The following CNTN4 variants were observed in gnomAD, a reference collection of about 807,000 sequenced individuals.
CNTN4 encodes contactin-4.
Under a neutral mutation model 122.5 loss-of-function variants are expected in CNTN4, and 77 were observed. The observed-to-expected ratio is 0.63, with a 90% confidence interval of 0.52 to 0.76. The LOEUF is 0.76. CNTN4 is among the 30% of genes least tolerant of loss of function. The pLI, the probability that CNTN4 is intolerant of heterozygous loss-of-function variation, is 0.00. For synonymous variants in CNTN4, 512 were observed against 447.0 expected, an observed-to-expected ratio of 1.15 and a Z score of -1.83; for missense variants, 1,256 against 1,259.1, an observed-to-expected ratio of 1.00 and a Z score of 0.04.
At chr3:2,434,992 G>C (rs902042951) in intron 3 of CNTN4, among the ~76,000 whole-genome samples, 2 of 152,038 alleles carry the variant, frequency 1.3e-5, no homozygotes, top group Non-Finnish European at 2.9e-5. Flanking sequence ...CCACAAGAAG[G>C]GCTTTTTCAA....
intron 2 of CNTN4, among the ~76,000 whole-genome samples, chr3:2,204,787 G>A (rs1402125950): frequency 1.3e-5 from 2 of 152,018 alleles, no homozygotes; most frequent in Non-Finnish European, 2.9e-5. Context: ...AGGAATATCA[G>A]CATGTCAGCT....
chr3:2,493,282 C>G (rs1348784886), intron 3 of CNTN4, among the ~76,000 whole-genome samples: 1 of 151,990 alleles, frequency 6.6e-6, no homozygotes, highest in African/African-American at 2.4e-5. Flanking sequence ...TACCCTAATA[C>G]TCTTGCAGAA....
chr3:2,226,557 G>C (rs753111497), intron 2 of CNTN4, among the ~76,000 whole-genome samples: 5 of 152,108 alleles, frequency 3.3e-5, no homozygotes, highest in African/African-American at 4.8e-5. Flanking sequence ...CTATTGCCCT[G>C]TAATTTCATT....
chr3:2,516,711 G>A (rs2077049124), intron 3 of CNTN4, among the ~76,000 whole-genome samples: 1 of 152,042 alleles, frequency 6.6e-6, no homozygotes, highest in African/African-American at 2.4e-5. Flanking sequence ...ATTTAAAATT[G>A]AGAGGAACAC....
intron 8 of CNTN4, among the ~76,000 whole-genome samples, chr3:2,874,040 T>G (rs2093815951): frequency 6.6e-6 from 1 of 152,194 alleles, no homozygotes; most frequent in South Asian, 2.1e-4. Flanking sequence ...TCTAAATGAC[T>G]AAAGGATGTG....
chr3:2,941,875 CCTT>C (rs776371072), intron 13 of CNTN4, among the ~76,000 whole-genome samples: 1 of 152,170 alleles, frequency 6.6e-6, no homozygotes, highest in Non-Finnish European at 1.5e-5. Flanking sequence ...ATCTTTAACT[CCTT>C]CTTCAACTGC....
chr3:2,444,997 T>C (rs957085477), intron 3 of CNTN4, among the ~76,000 whole-genome samples: 1 of 149,616 alleles, frequency 6.7e-6, no homozygotes, highest in African/African-American at 2.5e-5. Context: ...CTTCTTACTA[T>C]GTAAAAAAAA....
chr3:2,114,941 A>G (rs1388719073), intron 2 of CNTN4, among the ~76,000 whole-genome samples: 2 of 152,216 alleles, frequency 1.3e-5, no homozygotes, highest in Non-Finnish European at 2.9e-5. Flanking sequence ...CAACATTTCA[A>G]GTAGTAGCCA....
chr3:3,051,897 G>A (rs1701310899), intron 23 of CNTN4, among the ~76,000 whole-genome samples: 1 of 152,186 alleles, frequency 6.6e-6, no homozygotes, highest in South Asian at 2.1e-4. Flanking sequence ...TCTTAGGGAA[G>A]GATGAGCTAA....
chr3:2,291,052 T>C (rs952871696), intron 2 of CNTN4, among the ~76,000 whole-genome samples: 1 of 152,342 alleles, frequency 6.6e-6, no homozygotes, highest in South Asian at 2.1e-4. Context: ...TCCTGACTTA[T>C]ACTGTAGCTG....
At chr3:2,610,520 G>A (rs17564805) in intron 4 of CNTN4, among the ~76,000 whole-genome samples, 22,464 of 152,076 alleles carry the variant, frequency 0.15, 2,162 homozygotes, top group Non-Finnish European at 0.22. Flanking sequence ...CCACTGAGTC[G>A]CATTTCAGCC....
chr3:2,757,473 G>A (rs911882646), intron 6 of CNTN4, among the ~76,000 whole-genome samples: 2 of 152,102 alleles, frequency 1.3e-5, no homozygotes, highest in Non-Finnish European at 2.9e-5. Flanking sequence ...CTATTATCAC[G>A]TTTAGAGTGT....
rs149141674 is a variant in CNTN4 at position 2,716,377 on chromosome 3, T to C, written c.56-19838T>C. ...TTATGGGATTTATCTTACAAGATTG[T>C]TTTAAGGATTAAGTGAGATACTCTA... On this transcript the variant is annotated intron_variant, in intron 4 of 24. Coordinates refer to ENST00000418658, the MANE Select transcript of CNTN4 (RefSeq NM_175607.3). Among the ~76,000 whole-genome samples, 482 of 151,686 alleles carry C rather than the reference T, an allele frequency of 3.2e-3. 7 individuals are homozygous for C. Among genetic ancestry groups the C allele is most frequent in the African/African-American group, 0.011 (461 of 41,426 alleles).
rs367747155 is a variant in CNTN4 at position 2,255,051 on chromosome 3, T to C, written c.-144-84127T>C. Among the ~76,000 whole-genome samples the C allele has an allele frequency of 1.3e-3, 200 of 152,298 alleles. 1 individual carries two copies. Among genetic ancestry groups the C allele is most frequent in the African/African-American group, 4.7e-3 (194 of 41,562 alleles). On this transcript the variant is annotated intron_variant, in intron 2 of 24. Transcript: ENST00000418658. ...GTTTAAGTGTTTAATCCAGCTTGAG[T>C]TAATTTTTGTATAAGGTGTAAGGAA...
At chr3:2,843,596 G>A (rs115327320) in intron 7 of CNTN4, among the ~76,000 whole-genome samples, 2,329 of 152,270 alleles carry the variant, frequency 0.015, 23 homozygotes, top group Non-Finnish European at 0.025. Flanking sequence ...GCTCAGTGCC[G>A]TCCTCACAAC....
intron 2 of CNTN4, among the ~76,000 whole-genome samples, chr3:2,143,677 C>G (rs532607910): frequency 6.6e-6 from 1 of 152,126 alleles, no homozygotes; most frequent in East Asian, 1.9e-4. Flanking sequence ...TCTTTATTTA[C>G]AAACATATGA....
chr3:2,506,694 C>A (rs1194655408), intron 3 of CNTN4, among the ~76,000 whole-genome samples: 1 of 152,060 alleles, frequency 6.6e-6, no homozygotes, highest in African/African-American at 2.4e-5. Context: ...GAGGAACATG[C>A]AAAATGTTGC....
chr3:2,960,199 C>T (rs1404053133), intron 13 of CNTN4, among the ~76,000 whole-genome samples: 1 of 151,998 alleles, frequency 6.6e-6, no homozygotes, highest in East Asian at 1.9e-4. Flanking sequence ...GAGATAATTC[C>T]CTGGAAAACT....
At chr3:2,167,981 T>A (rs564638473) in intron 2 of CNTN4, among the ~76,000 whole-genome samples, 281 of 152,196 alleles carry the variant, frequency 1.8e-3, no homozygotes, top group Non-Finnish European at 2.9e-3. Context: ...CTACAAAAAA[T>A]TTTAAAACAT....
Sources: allele counts gnomAD v4.1 joint callset (sites outside exome capture counted in the v4.1 genomes callset), GRCh38; gene constraint gnomAD v4.1.1; transcripts MANE v1.5; gene names NCBI Gene and HGNC (gene_info 2026-07-23, HGNC 2026-07-21).